The following PHF5A variants were observed in gnomAD, a reference collection of about 807,000 sequenced individuals.
PHF5A encodes the protein PHD finger protein 5A, also known as PHD finger-like domain-containing protein 5A.
For synonymous variants in PHF5A, 52 were observed against 46.0 expected (o/e 1.13, Z -0.52); for missense variants, 24 against 140.6 (o/e 0.17, Z 4.19).
chr22:41,460,455 C>G lies in PHF5A; in HGVS notation c.276G>C (p.Gly92=). ...RDGCPKIVNL[G]SSKTDLFYER... ...CATAGAAGAGGTCTGTCTTAGAGCT[C>G]CCCAGATTGACAATCTTTGGGCAGC... Residue 92 remains glycine, a synonymous_variant, in exon 4 of 4, where the codon GGG becomes GGC. Coordinates refer to ENST00000216252, the MANE Select transcript of PHF5A (RefSeq NM_032758.4). 6.2e-7 allele frequency: 1 copy of G among 1,600,772 alleles called. No homozygotes were observed. Among genetic ancestry groups the G allele is most frequent in the Non-Finnish European group, 8.5e-7 (1 of 1,171,030 alleles).
At chr22:41,468,235 A>T in intron 1 of PHF5A, 88 bp from the exon 2 acceptor site, 3 of 1,347,068 alleles carry the variant, frequency 2.2e-6, no homozygotes, top group Non-Finnish European at 3.2e-6. Context: ...GGGTAGGGAC[A>T]TGAGTAAGGA....
chr22:41,464,189 C>G (rs2037848362), intron 3 of PHF5A, among the ~76,000 whole-genome samples: 1 of 152,182 alleles, frequency 6.6e-6, no homozygotes, highest in South Asian at 2.1e-4. Flanking sequence ...CCATAAGAAC[C>G]TACAAATCAG....
chr22:41,467,947 C>T (rs1470434490), intron 2 of PHF5A, 177 bp downstream of exon 2: 8 of 659,118 alleles, frequency 1.2e-5, no homozygotes, highest in South Asian at 3.7e-5. Context: ...AGAGATACAG[C>T]GTTAAATGTG....
At position 41,460,575 on chromosome 22, in the gene PHF5A, A is replaced by G. The variant is rs928602065; in HGVS notation, c.244-88T>C. ...AAAAATTTAAGCCCAGTGTGGTAGC[A>G]TGTGCCTTTAGTCCCAGCTACTACT... On this transcript the variant is annotated intron_variant, in intron 3 of 3. Coordinates refer to ENST00000216252, the MANE Select transcript of PHF5A (RefSeq NM_032758.4). 20 of 1,029,212 alleles carry G rather than the reference A, an allele frequency of 1.9e-5. No individual in the cohort carries two copies. In the African/African-American group the frequency reaches 2.6e-4, roughly 13 times the overall value. The allele number at this position is 1,029,212 out of a possible 1,614,324, so 63.8% of individuals were successfully genotyped here. A position where few individuals can be genotyped will look rare whatever the true frequency, so the allele number is the denominator to read the frequency against.
intron 2 of PHF5A, 97 bp downstream of exon 2, chr22:41,468,027 C>A (rs2037885626): frequency 7.6e-6 from 10 of 1,307,846 alleles, no homozygotes; most frequent in East Asian, 2.3e-5. Flanking sequence ...TACTTCCAGG[C>A]ACATCTACTC....
At chr22:41,465,672 G>C (rs753943082) in intron 3 of PHF5A, among the ~76,000 whole-genome samples, 78 of 152,134 alleles carry the variant, frequency 5.1e-4, no homozygotes, top group Non-Finnish European at 8.8e-4. Flanking sequence ...GCAAGGTCAG[G>C]AGTTTGAGTC....
chr22:41,464,745 A>G (rs2037853119), intron 3 of PHF5A, among the ~76,000 whole-genome samples: 2 of 152,234 alleles, frequency 1.3e-5, no homozygotes, highest in Admixed American at 1.3e-4. Context: ...TTAAACAGAT[A>G]TCCTGTATCT....
chr22:41,460,382 AG>A lies in PHF5A; in HGVS notation c.*15del. On this transcript the variant is annotated 3_prime_UTR_variant, in exon 4 of 4. Transcript: ENST00000216252. ...CAGCAGACTGATGTTGGGGGGAGGA[AG>A]GGGCCACCCACCAATCACCTCTTCT... The A allele has an allele frequency of 6.3e-7, 1 of 1,582,976 alleles. No homozygotes were observed. The highest frequency in any genetic ancestry group is 8.6e-7 in the Non-Finnish European group (1 of 1,158,322).
intron 1 of PHF5A, chr22:41,468,398 C>G (rs1211048174): frequency 3.0e-6 from 2 of 657,506 alleles, no homozygotes; most frequent in Non-Finnish European, 5.2e-6. Context: ...CCCCCGATAC[C>G]TGCCTGGGGC....
intron 2 of PHF5A, among the ~76,000 whole-genome samples, chr22:41,467,862 G>A (rs1197431368): frequency 6.6e-6 from 1 of 152,216 alleles, no homozygotes; most frequent in East Asian, 1.9e-4. Context: ...TGATAAGCCT[G>A]TATAATTGCT....
At chr22:41,467,835 G>A (rs2037882578) in intron 2 of PHF5A, among the ~76,000 whole-genome samples, 1 of 152,226 alleles carries the variant, frequency 6.6e-6, no homozygotes, top group African/African-American at 2.4e-5. Context: ...GAAGAGCTTA[G>A]AAAAGCACCT....
intron 3 of PHF5A, among the ~76,000 whole-genome samples, chr22:41,463,894 C>CAAA: frequency 6.9e-6 from 1 of 144,298 alleles, no homozygotes; most frequent in South Asian, 2.2e-4. Context: ...AACTGCGTCT[C>CAAA]AAAAAAAAAA....
At chr22:41,468,037 C>CA in intron 2 of PHF5A, 87 bp downstream of exon 2, 1 of 1,450,620 alleles carries the variant, frequency 6.9e-7, no homozygotes, top group Non-Finnish European at 9.7e-7. Context: ...CACATCTACT[C>CA]AAAGCCCTCT....
At chr22:41,466,554 G>C (rs2037867413) in intron 3 of PHF5A, among the ~76,000 whole-genome samples, 1 of 152,084 alleles carries the variant, frequency 6.6e-6, no homozygotes, top group Admixed American at 6.6e-5. Flanking sequence ...AACAGACAGG[G>C]TCTCTGTCAC....
At position 41,467,592 on chromosome 22, in the gene PHF5A, A is replaced by G; in HGVS notation, c.99T>C (p.Cys33=). The part of the protein sequence containing the change: ...CEKCDGKCVI[C]DSYVRPCTLV... ...GAGTGCAGGGACGCACATAGGAGTCACAAATCACACACTTGCCATCACCTG... is the reference window on the plus strand; with the variant it reads ...GAGTGCAGGGACGCACATAGGAGTCGCAAATCACACACTTGCCATCACCTG... Residue 33 remains cysteine (C), a synonymous_variant, in exon 3 of 4, where the codon TGT becomes TGC. Transcript: ENST00000216252. 6.2e-7 allele frequency: 1 copy of G among 1,614,186 alleles called. No homozygotes were observed. Among genetic ancestry groups the G allele is most frequent in the Non-Finnish European group, 8.5e-7 (1 of 1,180,034 alleles).
At chr22:41,467,200 C>T (rs1275708298) in intron 3 of PHF5A, among the ~76,000 whole-genome samples, 1 of 152,082 alleles carries the variant, frequency 6.6e-6, no homozygotes. Context: ...ACCACAGAGA[C>T]ATGAATGAGA....
At chr22:41,462,358 C>T (rs759119396) in intron 3 of PHF5A, among the ~76,000 whole-genome samples, 5 of 152,132 alleles carry the variant, frequency 3.3e-5, no homozygotes, top group Non-Finnish European at 7.4e-5. Flanking sequence ...CAACTAATAT[C>T]CTTCTTTGGG....
chr22:41,465,100 G>A (rs1375704512), intron 3 of PHF5A, among the ~76,000 whole-genome samples: 1 of 152,090 alleles, frequency 6.6e-6, no homozygotes. Context: ...ACAAGAGAAA[G>A]GTCCAAATCA....
At chr22:41,464,663 T>G (rs993887473) in intron 3 of PHF5A, among the ~76,000 whole-genome samples, 3 of 152,252 alleles carry the variant, frequency 2.0e-5, no homozygotes, top group African/African-American at 7.2e-5. Context: ...ATTCTCTGGT[T>G]GCAAGCTTAC....
Sources: gnomAD v4.1 joint callset for allele counts (sites outside exome capture counted in the v4.1 genomes callset) on GRCh38, gnomAD v4.1.1 for gene constraint, MANE v1.5 for transcripts, NCBI Gene and HGNC (gene_info 2026-07-23, HGNC 2026-07-21) for gene names.